PDGFD: variants seen among roughly 807,000 people sequenced by gnomAD.
The protein encoded by PDGFD is platelet derived growth factor D.
PDGFD carries 30 observed loss-of-function variants against 44.7 expected under a neutral mutation model. The observed-to-expected ratio is 0.67, with a 90% CI of 0.50 to 0.91. The LOEUF is 0.91. Ranked by LOEUF, PDGFD falls within the 40% of genes least tolerant of loss-of-function variation. The pLI is 0.00. For missense variants in PDGFD, 445 were observed against 457.8 expected (o/e 0.97, Z 0.25); for synonymous variants, 173 against 168.4 (o/e 1.03, Z -0.21).
intron 1 of PDGFD, among the ~76,000 whole-genome samples, chr11:104,088,636 A>G (rs557521949): frequency 1.3e-5 from 2 of 152,256 alleles, no homozygotes; most frequent in East Asian, 3.9e-4. Context: ...AGTAACAGAT[A>G]CCTCCTGGGA....
intron 3 of PDGFD, among the ~76,000 whole-genome samples, chr11:103,973,886 TGC>T (rs960605464): frequency 2.0e-5 from 3 of 152,126 alleles, no homozygotes; most frequent in African/African-American, 7.2e-5. Flanking sequence ...AATATCCTGG[TGC>T]CATGCTAGTT....
intron 5 of PDGFD, among the ~76,000 whole-genome samples, chr11:103,938,709 T>A (rs1021347945): frequency 6.6e-6 from 1 of 152,242 alleles, no homozygotes; most frequent in Admixed American, 6.5e-5. Flanking sequence ...AAGTCTTTAA[T>A]CCATCTTGAA....
chr11:103,969,075 CTG>C (rs761899874), intron 3 of PDGFD, among the ~76,000 whole-genome samples: 7 of 152,196 alleles, frequency 4.6e-5, no homozygotes, highest in Non-Finnish European at 1.0e-4. Flanking sequence ...GCTCCCTTCT[CTG>C]TGTCTCCACA....
chr11:104,144,399 G>T lies in PDGFD; in HGVS notation c.124+19405C>A, dbSNP rs191615681. On this transcript the variant is annotated intron_variant, in intron 1 of 6. Transcript: ENST00000393158. The stretch of plus-strand genomic sequence containing the variant: ...CACACGCCTGTAATCCCAGCTACTC[G>T]GGAGGCTGAGGCAGGAGAATCGCTT... 5.8e-4 allele frequency among the ~76,000 whole-genome samples: 87 copies of T among 151,104 alleles called. 1 individual carries two copies. The East Asian group carries it at 0.016, about 29-fold the overall frequency.
chr11:104,117,595 A>T (rs112039882), intron 1 of PDGFD, among the ~76,000 whole-genome samples: 6,069 of 152,086 alleles, frequency 0.04, 173 homozygotes, highest in African/African-American at 0.077. Flanking sequence ...AAAAGCGACC[A>T]AGCAGAGAAC....
At chr11:104,032,883 C>T (rs1789340626) in intron 1 of PDGFD, among the ~76,000 whole-genome samples, 1 of 151,838 alleles carries the variant, frequency 6.6e-6, no homozygotes, top group African/African-American at 2.4e-5. Flanking sequence ...TTATATTGTA[C>T]TTACTAAGGG....
intron 1 of PDGFD, among the ~76,000 whole-genome samples, chr11:104,041,509 T>C (rs998746825): frequency 5.3e-5 from 8 of 152,088 alleles, no homozygotes; most frequent in Non-Finnish European, 8.8e-5. Flanking sequence ...AAACAAATTA[T>C]CATTTTCTGT....
chr11:104,127,290 C>T (rs1461140998), intron 1 of PDGFD, among the ~76,000 whole-genome samples: 1 of 152,066 alleles, frequency 6.6e-6, no homozygotes, highest in Non-Finnish European at 1.5e-5. Context: ...GATGTTGATG[C>T]CTAGATCCCA....
intron 6 of PDGFD, among the ~76,000 whole-genome samples, chr11:103,925,655 C>T (rs371793320): frequency 6.9e-6 from 1 of 145,530 alleles, no homozygotes; most frequent in East Asian, 2.0e-4. Flanking sequence ...CTCTCTCTCT[C>T]TCTCTCTATG....
At chr11:103,919,502 CT>C (rs71037206) in intron 6 of PDGFD, among the ~76,000 whole-genome samples, 6,124 of 88,526 alleles carry the variant, frequency 0.069, 34 homozygotes, top group Non-Finnish European at 0.088. Flanking sequence ...AAGATTCTTC[CT>C]TTTTTTTTTT....
chr11:104,073,124 T>C (rs1048895694), intron 1 of PDGFD, among the ~76,000 whole-genome samples: 2 of 152,078 alleles, frequency 1.3e-5, no homozygotes, highest in Non-Finnish European at 2.9e-5. Context: ...TATCTTATAA[T>C]CCAGGATTAG....
chr11:104,033,400 G>A (rs1285646170), intron 1 of PDGFD, among the ~76,000 whole-genome samples: 1 of 152,100 alleles, frequency 6.6e-6, no homozygotes, highest in Non-Finnish European at 1.5e-5. Flanking sequence ...GCCAGACCTT[G>A]AGGCTTTTTG....
rs78579978 is a variant in PDGFD at position 104,100,057 on chromosome 11, G to A, written c.124+63747C>T. On this transcript the variant is annotated intron_variant, in intron 1 of 6. Transcript: ENST00000393158. The stretch of plus-strand genomic sequence containing the variant: ...AGCAATTTTTTTTAATGCAAAAGTC[G>A]ACTACATGCATGATGCCTAACAAGA... Among the ~76,000 whole-genome samples, 1,215 of 151,994 alleles carry A rather than the reference G, an allele frequency of 8.0e-3. 12 individuals are homozygous for A. The highest frequency in any genetic ancestry group is 0.027 in the African/African-American group (1,116 of 41,466).
intron 1 of PDGFD, among the ~76,000 whole-genome samples, chr11:104,014,313 C>T (rs1412161861): frequency 6.6e-6 from 1 of 152,106 alleles, no homozygotes; most frequent in Non-Finnish European, 1.5e-5. Context: ...CTGGGCAACA[C>T]AGAGAGACCC....
chr11:103,960,101 T>C (rs1018101159), intron 3 of PDGFD, among the ~76,000 whole-genome samples: 6 of 152,186 alleles, frequency 3.9e-5, no homozygotes, highest in Admixed American at 3.9e-4. Context: ...CTTTGCATCT[T>C]GCTATAATTT....
intron 1 of PDGFD, among the ~76,000 whole-genome samples, chr11:104,019,624 C>A (rs187231835): frequency 6.4e-4 from 98 of 152,152 alleles, no homozygotes; most frequent in Non-Finnish European, 1.2e-3. Context: ...TAATTCTGAG[C>A]GCCAACTCCA....
chr11:103,993,914 A>G (rs748100983), intron 3 of PDGFD, among the ~76,000 whole-genome samples: 3 of 152,204 alleles, frequency 2.0e-5, no homozygotes, highest in Non-Finnish European at 4.4e-5. Flanking sequence ...AGAATGTTGT[A>G]ATATCATCAT....
At chr11:104,108,017 T>C (rs1286564726) in intron 1 of PDGFD, among the ~76,000 whole-genome samples, 1 of 152,166 alleles carries the variant, frequency 6.6e-6, no homozygotes, top group African/African-American at 2.4e-5. Flanking sequence ...AAATATTAAA[T>C]GGACTTACAG....
chr11:104,032,559 A>C (rs1860145477), intron 1 of PDGFD, among the ~76,000 whole-genome samples: 1 of 152,134 alleles, frequency 6.6e-6, no homozygotes, highest in Non-Finnish European at 1.5e-5. Context: ...TTTTCACTAA[A>C]AAGACAATTA....
Sources: allele counts gnomAD v4.1 joint callset (sites outside exome capture counted in the v4.1 genomes callset), GRCh38; gene constraint gnomAD v4.1.1; transcripts MANE v1.5; gene names NCBI Gene and HGNC (gene_info 2026-07-23, HGNC 2026-07-21).